Variants in PC observed in about 807,000 individuals in gnomAD.
PC encodes pyruvate carboxylase, also known as pyruvate carboxylase, mitochondrial.
Under a neutral mutation model 107.8 loss-of-function variants are expected in PC, and 46 were observed. That is an observed-to-expected ratio of 0.43 (90% CI 0.34 to 0.55). The LOEUF is 0.55. Among genes scored for constraint, PC ranks in the 20% least tolerant of loss-of-function variants. The pLI is 0.04. For missense variants in PC, 1,241 were observed against 1,643.1 expected (o/e 0.76, Z 4.23); for synonymous variants, 662 against 684.7 (o/e 0.97, Z 0.52).
At position 66,879,159 on chromosome 11, in the gene PC, G is replaced by A. The variant is rs565181055; in HGVS notation, c.1-7000C>T. ...CCCACACACTTGCGCCCTCCCACTC[G>A]CACCATGATGCAGCTCCATGCTGAC... On this transcript the variant is annotated intron_variant, in intron 3 of 22. Transcript: ENST00000393960. Among the ~76,000 whole-genome samples, 20 of 152,210 alleles carry A rather than the reference G, an allele frequency of 1.3e-4. No homozygotes were observed. The South Asian group carries it at 3.3e-3, about 25-fold the overall frequency.
At chr11:66,915,468 T>C (rs1470115933) in intron 3 of PC, among the ~76,000 whole-genome samples, 2 of 152,206 alleles carry the variant, frequency 1.3e-5, no homozygotes, top group Non-Finnish European at 2.9e-5. Context: ...GTCTCCAGCA[T>C]GAAGCATGCG....
intron 12 of PC, among the ~76,000 whole-genome samples, chr11:66,855,460 G>A (rs897413824): frequency 2.6e-5 from 4 of 152,126 alleles, no homozygotes; most frequent in African/African-American, 7.2e-5. Context: ...TACCACGCCC[G>A]GCTAATTTTT....
At chr11:66,922,931 A>G (rs886107506) in intron 3 of PC, among the ~76,000 whole-genome samples, 5 of 152,244 alleles carry the variant, frequency 3.3e-5, no homozygotes, top group Non-Finnish European at 7.3e-5. Flanking sequence ...ATGACTCTGA[A>G]GAAAAAAAGC....
In PC at chr11:66,910,041, G is replaced by A. The variant is rs558374205; in HGVS notation, c.1-37882C>T. Among the ~76,000 whole-genome samples the A allele has an allele frequency of 1.8e-4, 27 of 152,284 alleles. No individual in the cohort carries two copies. In the East Asian group the frequency reaches 4.6e-3, roughly 26 times the overall value. ...TCAACAATTAACCTTCCATGCAATT[G>A]TAAAATACCCTGAAACCAACAATTA... On this transcript the variant is annotated intron_variant, in intron 3 of 22. Transcript: ENST00000393960.
chr11:66,855,502 T>C (rs757891727), intron 12 of PC, among the ~76,000 whole-genome samples: 19 of 152,202 alleles, frequency 1.2e-4, no homozygotes, highest in Admixed American at 3.9e-4. Flanking sequence ...TTTCGCCATG[T>C]TTGCCAGGCT....
In PC at chr11:66,889,657, A is replaced by G. The variant is rs574252160; in HGVS notation, c.1-17498T>C. Among the ~76,000 whole-genome samples, 10 of 152,274 alleles carry G rather than the reference A, an allele frequency of 6.6e-5. No individual in the cohort carries two copies. In the East Asian group the frequency reaches 1.3e-3, roughly 21 times the overall value. On this transcript the variant is annotated intron_variant, in intron 3 of 22. Coordinates refer to ENST00000393960, the MANE Select transcript of PC (RefSeq NM_001040716.2). ...CCAAAGTGCTAGGATTACAAGCATG[A>G]GCTAATGTGCCCAGTCTCACATGTA...
At chr11:66,907,383 C>T (rs963666700) in intron 3 of PC, among the ~76,000 whole-genome samples, 14 of 152,106 alleles carry the variant, frequency 9.2e-5, no homozygotes, top group Admixed American at 2.6e-4. Flanking sequence ...CAAAATTAGC[C>T]GGGTGTGGTG....
chr11:66,869,403 GCCA>G (rs1591184254), intron 9 of PC, among the ~76,000 whole-genome samples: 1 of 151,678 alleles, frequency 6.6e-6, no homozygotes, highest in East Asian at 2.0e-4. Context: ...GTCACCTCTG[GCCA>G]CCACCACCCA....
chr11:66,911,005 A>G (rs1421460208), intron 3 of PC, among the ~76,000 whole-genome samples: 1 of 152,262 alleles, frequency 6.6e-6, no homozygotes, highest in Non-Finnish European at 1.5e-5. Context: ...TATAAAATGC[A>G]GAATGATCTG....
chr11:66,873,389 AT>A (rs1186422445), intron 3 of PC, among the ~76,000 whole-genome samples: 2 of 103,834 alleles, frequency 1.9e-5, no homozygotes, highest in African/African-American at 3.8e-5. Context: ...AATATAAAAT[AT>A]TATATATAAT....
At chr11:66,869,908 A>G (rs1420856173) in intron 9 of PC, among the ~76,000 whole-genome samples, 1 of 152,234 alleles carries the variant, frequency 6.6e-6, no homozygotes, top group African/African-American at 2.4e-5. Flanking sequence ...TGTAGGAGAC[A>G]GAAGCACATG....
intron 3 of PC, among the ~76,000 whole-genome samples, chr11:66,882,978 C>T (rs1947236799): frequency 1.3e-5 from 2 of 152,178 alleles, no homozygotes; most frequent in African/African-American, 4.8e-5. Flanking sequence ...ACACAGAAGA[C>T]AGGAGAGAGA....
In PC at chr11:66,866,866, T is replaced by C. The variant is rs1313753043; in HGVS notation, c.1023-517A>G. ...ACAGGTGCTGTGAAGGCTGGGCTCCTCGAAATGGTAACCACAGCTGTGAGA... is the reference window on the plus strand; with the variant it reads ...ACAGGTGCTGTGAAGGCTGGGCTCCCCGAAATGGTAACCACAGCTGTGAGA... On this transcript the variant is annotated intron_variant, in intron 10 of 22. Coordinates refer to ENST00000393960, the MANE Select transcript of PC (RefSeq NM_001040716.2). This position sits in a 1 kb window ranked among gnomAD's most constrained non-coding sequence, Gnocchi z 5.4. Among the ~76,000 whole-genome samples, 2 of 152,132 alleles carry C rather than the reference T, an allele frequency of 1.3e-5. No individual in the cohort carries two copies. Among genetic ancestry groups the C allele is most frequent in the Non-Finnish European group, 2.9e-5 (2 of 68,028 alleles).
chr11:66,913,053 C>T (rs1050929678), intron 3 of PC, among the ~76,000 whole-genome samples: 1 of 152,156 alleles, frequency 6.6e-6, no homozygotes, highest in African/African-American at 2.4e-5. Context: ...AGTAAAACAA[C>T]GTGAAACCCG....
chr11:66,886,676 G>A (rs1287758618), intron 3 of PC, among the ~76,000 whole-genome samples: 1 of 152,286 alleles, frequency 6.6e-6, no homozygotes, highest in East Asian at 1.9e-4. Context: ...GGGAAGGGTG[G>A]CCCTGGGTTT....
At chr11:66,903,087 G>T (rs1299289119) in intron 3 of PC, among the ~76,000 whole-genome samples, 1 of 152,194 alleles carries the variant, frequency 6.6e-6, no homozygotes, top group Non-Finnish European at 1.5e-5. Context: ...CCTCCTCAGG[G>T]GTGAGAAATT....
intron 3 of PC, among the ~76,000 whole-genome samples, chr11:66,890,325 T>C (rs1947521446): frequency 6.6e-6 from 1 of 152,132 alleles, no homozygotes; most frequent in African/African-American, 2.4e-5. Context: ...GCATTTCTGC[T>C]GTTTAATGAA....
intron 3 of PC, among the ~76,000 whole-genome samples, chr11:66,931,756 G>A (rs1352705439): frequency 2.6e-5 from 4 of 152,058 alleles, no homozygotes; most frequent in African/African-American, 4.8e-5. Flanking sequence ...AGTGGCTCAC[G>A]CCTGTAATCC....
chr11:66,904,544 G>C (rs1314731065), intron 3 of PC, among the ~76,000 whole-genome samples: 1 of 152,190 alleles, frequency 6.6e-6, no homozygotes, highest in African/African-American at 2.4e-5. Context: ...AGGCTGAGGT[G>C]GGAGAATCAC....
Sources: allele counts gnomAD v4.1 joint callset (sites outside exome capture counted in the v4.1 genomes callset), GRCh38; gene constraint gnomAD v4.1.1; non-coding constraint Gnocchi (gnomAD v3.1); transcripts MANE v1.5; gene names NCBI Gene and HGNC (gene_info 2026-07-23, HGNC 2026-07-21).